The following SLC41A2 variants were observed in gnomAD, a reference collection of about 807,000 sequenced individuals.
SLC41A2 encodes SLC41A1-like 1.
SLC41A2 carries 32 observed loss-of-function variants against 58.3 expected under a neutral mutation model. That is an observed-to-expected ratio of 0.55 (90% CI 0.41 to 0.74). The LOEUF (loss-of-function observed/expected upper bound fraction) is 0.74. Among genes scored for constraint, SLC41A2 ranks in the 30% least tolerant of loss-of-function variants. The pLI, the probability that SLC41A2 is intolerant of heterozygous loss-of-function variation, is 0.00. For synonymous variants in SLC41A2, 190 were observed against 235.0 expected, an observed-to-expected ratio of 0.81 and a Z score of 1.75; for missense variants, 514 against 680.6, an observed-to-expected ratio of 0.76 and a Z score of 2.72.
chr12:104,826,371 G>A (rs998800934), intron 10 of SLC41A2, among the ~76,000 whole-genome samples: 1 of 152,154 alleles, frequency 6.6e-6, no homozygotes, highest in African/African-American at 2.4e-5. Flanking sequence ...GGTCCCATAC[G>A]TGCAGGCTTT....
chr12:104,927,092 G>A (rs1275464560), intron 2 of SLC41A2, among the ~76,000 whole-genome samples: 1 of 152,040 alleles, frequency 6.6e-6, no homozygotes, highest in Non-Finnish European at 1.5e-5. Flanking sequence ...ACCCAATGTT[G>A]ATAGGGACAT....
intron 5 of SLC41A2, among the ~76,000 whole-genome samples, chr12:104,888,400 G>A (rs1199239184): frequency 6.6e-6 from 1 of 151,928 alleles, no homozygotes; most frequent in East Asian, 1.9e-4. Flanking sequence ...AAAATAAAAA[G>A]AACAAAGTCT....
intron 6 of SLC41A2, among the ~76,000 whole-genome samples, chr12:104,875,375 G>A (rs115056458): frequency 0.012 from 1,792 of 152,276 alleles, 46 homozygotes; most frequent in African/African-American, 0.041. Flanking sequence ...AGGCTCAAGT[G>A]ATCCTCTCAC....
chr12:104,910,500 T>C (rs749698240), intron 2 of SLC41A2, among the ~76,000 whole-genome samples: 7 of 152,086 alleles, frequency 4.6e-5, no homozygotes, highest in Non-Finnish European at 2.9e-5. Context: ...CATGTATAAA[T>C]GAAAAATAAA....
intron 6 of SLC41A2, among the ~76,000 whole-genome samples, chr12:104,878,299 T>TTTTATATATATATATATATATATATA (rs1555206630): frequency 7.1e-6 from 1 of 139,920 alleles, no homozygotes; most frequent in African/African-American, 2.6e-5. Flanking sequence ...TACCTGTATT[T>TTTTATATATATATATATATATATATA]TATATATATA....
intron 10 of SLC41A2, among the ~76,000 whole-genome samples, chr12:104,812,862 T>C (rs966824925): frequency 3.5e-5 from 5 of 143,352 alleles, no homozygotes; most frequent in Admixed American, 1.4e-4. Context: ...GATGGAGCAC[T>C]TGCAAAAAAA....
At chr12:104,947,814 T>C (rs2047788448) in intron 1 of SLC41A2, among the ~76,000 whole-genome samples, 1 of 152,124 alleles carries the variant, frequency 6.6e-6, no homozygotes, top group Non-Finnish European at 1.5e-5. Flanking sequence ...TTAAATATCA[T>C]ATCTCATATA....
At position 104,805,078 on chromosome 12, in the gene SLC41A2, G is replaced by A; in HGVS notation, c.*74C>T. 7.7e-7 allele frequency: 1 copy of A among 1,303,772 alleles called. No individual in the cohort carries two copies. The highest frequency in any genetic ancestry group is 1.0e-6 in the Non-Finnish European group (1 of 961,420). The allele number at this position is 1,303,772 out of a possible 1,614,324, so 80.8% of individuals were successfully genotyped here. A position where few individuals can be genotyped will look rare whatever the true frequency, so the allele number is the denominator to read the frequency against. On this transcript the variant is annotated 3_prime_UTR_variant, in exon 11 of 11. Coordinates refer to ENST00000258538, the MANE Select transcript of SLC41A2 (RefSeq NM_001352171.3). Reference sequence around the variant, plus strand: ...CAAAAGTCAAACTACTGATTTAAGAGTTTTGAAAAAGAGCCATAAGTGGTT... The same window carrying A: ...CAAAAGTCAAACTACTGATTTAAGAATTTTGAAAAAGAGCCATAAGTGGTT...
chr12:104,864,039 T>C (rs1476908126), intron 7 of SLC41A2, among the ~76,000 whole-genome samples: 1 of 151,980 alleles, frequency 6.6e-6, no homozygotes, highest in Non-Finnish European at 1.5e-5. Flanking sequence ...CTAGGCCTGA[T>C]GTACAGCTGT....
At chr12:104,896,087 C>T (rs904707185) in intron 3 of SLC41A2, among the ~76,000 whole-genome samples, 2 of 152,176 alleles carry the variant, frequency 1.3e-5, no homozygotes, top group African/African-American at 4.8e-5. Flanking sequence ...ATTTCAATTA[C>T]TCATCATCTG....
At chr12:104,828,862 TAAG>T (rs2041943948) in intron 10 of SLC41A2, among the ~76,000 whole-genome samples, 1 of 151,384 alleles carries the variant, frequency 6.6e-6, no homozygotes, top group Non-Finnish European at 1.5e-5. Context: ...AAAATAGGCA[TAAG>T]AAAACATGAG....
rs934226768 is a variant in SLC41A2 at position 104,935,997 on chromosome 12, T to TAC, written c.-167-7305_-167-7304dup. Among the ~76,000 whole-genome samples the TAC allele has an allele frequency of 4.0e-5, 6 of 151,464 alleles. 1 individual carries two copies. The highest frequency in any genetic ancestry group is 1.3e-4 in the Admixed American group (2 of 15,196). On this transcript the variant is annotated intron_variant, in intron 1 of 10. Transcript: ENST00000258538. Reference sequence around the variant, plus strand: ...GGCAGAGGTTGCAGTGAGCCAAGGTTACACCACTGCACTCCAGCCTGGGCA... The same window carrying TAC: ...GGCAGAGGTTGCAGTGAGCCAAGGTTACACACCACTGCACTCCAGCCTGGGCA...
In SLC41A2 at chr12:104,803,550, T is replaced by C. The variant is rs975269991; in HGVS notation, c.*1602A>G. The C allele has an allele frequency of 4.6e-5, 7 of 152,178 alleles. No homozygotes were observed. The highest frequency in any genetic ancestry group is 8.8e-5 in the Non-Finnish European group (6 of 68,026). 9.4% of individuals were successfully genotyped at this position (152,178 alleles called of 1,614,324 possible). A position where few individuals can be genotyped will look rare whatever the true frequency, so the allele number is the denominator to read the frequency against. Reference sequence around the variant, plus strand: ...CTAATATTTATATAATAACACAAAGTTACAACTTAAATCATGATGATCAAA... The same window carrying C: ...CTAATATTTATATAATAACACAAAGCTACAACTTAAATCATGATGATCAAA... On this transcript the variant is annotated 3_prime_UTR_variant, in exon 11 of 11. Transcript: ENST00000258538.
At chr12:104,886,104 T>C (rs532979977) in intron 6 of SLC41A2, among the ~76,000 whole-genome samples, 189 bp downstream of exon 6, 5 of 152,076 alleles carry the variant, frequency 3.3e-5, no homozygotes, top group Non-Finnish European at 5.9e-5. Context: ...AGTTTTAAAC[T>C]CTACGAGAAA....
chr12:104,907,827 A>G (rs1056205006), intron 3 of SLC41A2, among the ~76,000 whole-genome samples: 1 of 152,244 alleles, frequency 6.6e-6, no homozygotes, highest in Non-Finnish European at 1.5e-5. Context: ...AGCAGTTAGC[A>G]AAGGACCTGG....
chr12:104,866,385 C>T (rs2043452352), intron 7 of SLC41A2, 47 bp downstream of exon 7: 1 of 135,670 alleles, frequency 7.4e-6, no homozygotes, highest in African/African-American at 9.4e-5. Context: ...CAGACGTACA[C>T]ACACACACAC....
At chr12:104,812,145 G>A (rs150673287) in intron 10 of SLC41A2, among the ~76,000 whole-genome samples, 1 of 152,212 alleles carries the variant, frequency 6.6e-6, no homozygotes, top group East Asian at 1.9e-4. Context: ...CCAGAGAGGA[G>A]AGCAGATGCT....
intron 6 of SLC41A2, among the ~76,000 whole-genome samples, chr12:104,869,227 C>T (rs997585079): frequency 6.6e-6 from 1 of 152,084 alleles, no homozygotes; most frequent in African/African-American, 2.4e-5. Context: ...CCTTGTACAA[C>T]CTTATGAATA....
intron 10 of SLC41A2, among the ~76,000 whole-genome samples, chr12:104,806,878 T>C (rs1199666245): frequency 6.6e-6 from 1 of 152,232 alleles, no homozygotes; most frequent in Non-Finnish European, 1.5e-5. Flanking sequence ...GAGAAGTGTC[T>C]GTTCATATCC....
Sources: allele counts gnomAD v4.1 joint callset (sites outside exome capture counted in the v4.1 genomes callset), GRCh38; gene constraint gnomAD v4.1.1; transcripts MANE v1.5; gene names NCBI Gene and HGNC (gene_info 2026-07-23, HGNC 2026-07-21).